RORA: variants seen among roughly 807,000 people sequenced by gnomAD.
RORA encodes the protein RAR related orphan receptor A, also known as nuclear receptor ROR-alpha.
Under a neutral mutation model 69.5 loss-of-function variants are expected in RORA, and 7 were observed. That is an observed-to-expected ratio of 0.10 (90% CI 0.06 to 0.19). RORA has a LOEUF of 0.19. Ranked by LOEUF, RORA falls within the 10% of genes least tolerant of loss-of-function variation. RORA has a pLI of 1.00. For synonymous variants in RORA, 261 were observed against 240.8 expected (o/e 1.08, Z -0.78); for missense variants, 457 against 663.0 (o/e 0.69, Z 3.41).
intron 2 of RORA, among the ~76,000 whole-genome samples, chr15:60,532,793 T>A (rs1483876166): frequency 6.6e-6 from 1 of 152,230 alleles, no homozygotes; most frequent in Non-Finnish European, 1.5e-5. Flanking sequence ...GTCACCAGTT[T>A]ACCTGGAATG....
chr15:60,542,548 A>G lies in RORA; in HGVS notation c.197-10697T>C, dbSNP rs1252978516. Among the ~76,000 whole-genome samples the G allele has an allele frequency of 1.9e-4, 26 of 135,282 alleles. 1 individual carries two copies. Among genetic ancestry groups the G allele is most frequent in the African/African-American group, 7.3e-4 (21 of 28,614 alleles). 88.8% of individuals were successfully genotyped at this position (135,282 alleles called of 152,430 possible). ...CATGCACACCTCACACAGATGGCACACATGCACACCTCACACACACGGCAC... is the reference window on the plus strand; with the variant it reads ...CATGCACACCTCACACAGATGGCACGCATGCACACCTCACACACACGGCAC... On this transcript the variant is annotated intron_variant, in intron 2 of 10. Transcript: ENST00000335670.
At chr15:61,184,356 G>T (rs559972192) in intron 1 of RORA, among the ~76,000 whole-genome samples, 2 of 151,970 alleles carry the variant, frequency 1.3e-5, no homozygotes, top group Non-Finnish European at 2.9e-5. Flanking sequence ...CAAACTTCAC[G>T]CATTACATCA....
intron 1 of RORA, among the ~76,000 whole-genome samples, chr15:60,756,671 A>G (rs756994920): frequency 6.6e-6 from 1 of 152,196 alleles, no homozygotes; most frequent in South Asian, 2.1e-4. Flanking sequence ...ACTAGAAATA[A>G]ACAAAGAATA....
At chr15:60,801,388 C>G (rs2072579149) in intron 1 of RORA, among the ~76,000 whole-genome samples, 1 of 151,082 alleles carries the variant, frequency 6.6e-6, no homozygotes, top group South Asian at 2.1e-4. Context: ...AATAAAGAAA[C>G]AGCCCATTTA....
chr15:60,869,158 T>C (rs1416057657), intron 1 of RORA, among the ~76,000 whole-genome samples: 2 of 152,164 alleles, frequency 1.3e-5, no homozygotes, highest in East Asian at 1.9e-4. Flanking sequence ...GAAATGACCA[T>C]AAAATTGCAG....
At chr15:60,772,960 AG>A (rs2072100586) in intron 1 of RORA, among the ~76,000 whole-genome samples, 1 of 152,254 alleles carries the variant, frequency 6.6e-6, no homozygotes, top group Non-Finnish European at 1.5e-5. Context: ...TAATCCCGCC[AG>A]GGAGTTTTCC....
At chr15:60,985,320 G>A (rs576395724) in intron 1 of RORA, among the ~76,000 whole-genome samples, 2 of 152,198 alleles carry the variant, frequency 1.3e-5, no homozygotes, top group South Asian at 4.1e-4. Context: ...TTGAGTGAAG[G>A]AGAAAGCGTA....
intron 1 of RORA, among the ~76,000 whole-genome samples, chr15:60,779,024 A>G (rs894503288): frequency 6.6e-6 from 1 of 152,144 alleles, no homozygotes; most frequent in African/African-American, 2.4e-5. Context: ...TTAATTAATC[A>G]ATTCCTCCTC....
chr15:60,806,571 T>C (rs539531919), intron 1 of RORA, among the ~76,000 whole-genome samples: 1 of 152,358 alleles, frequency 6.6e-6, no homozygotes, highest in Admixed American at 6.5e-5. Flanking sequence ...CTGGGATCTA[T>C]AAGACTTGGT....
chr15:61,197,412 A>G (rs896163629), intron 1 of RORA, among the ~76,000 whole-genome samples: 1 of 152,204 alleles, frequency 6.6e-6, no homozygotes, highest in Non-Finnish European at 1.5e-5. Context: ...CTGAGTTCTA[A>G]GCACCGCCGG....
chr15:60,698,933 G>A (rs779194379), intron 1 of RORA, among the ~76,000 whole-genome samples: 8 of 151,652 alleles, frequency 5.3e-5, no homozygotes, highest in Non-Finnish European at 5.9e-5. Context: ...TTTGTTAATC[G>A]CCTGTTCATA....
chr15:60,571,520 C>G (rs2067880809), intron 2 of RORA, among the ~76,000 whole-genome samples: 1 of 152,154 alleles, frequency 6.6e-6, no homozygotes, highest in Non-Finnish European at 1.5e-5. Flanking sequence ...TAAGACATCA[C>G]TTACAGCACT....
At chr15:60,617,875 G>T (rs1240401471) in intron 2 of RORA, among the ~76,000 whole-genome samples, 1 of 152,162 alleles carries the variant, frequency 6.6e-6, no homozygotes, top group African/African-American at 2.4e-5. Flanking sequence ...GGCTGGGCCT[G>T]GCTATGTCAG....
chr15:61,134,403 G>A (rs1421281586), intron 1 of RORA, among the ~76,000 whole-genome samples: 1 of 152,192 alleles, frequency 6.6e-6, no homozygotes, highest in Non-Finnish European at 1.5e-5. Context: ...GTAAGGTTCT[G>A]TGCCTCGGTG....
intron 2 of RORA, among the ~76,000 whole-genome samples, chr15:60,664,811 T>C (rs1227790840): frequency 6.6e-6 from 1 of 152,190 alleles, no homozygotes; most frequent in Admixed American, 6.5e-5. Context: ...TCTCATCCTC[T>C]CATTTATGAG....
intron 1 of RORA, among the ~76,000 whole-genome samples, chr15:60,893,902 C>T (rs1335952538): frequency 2.6e-5 from 4 of 152,174 alleles, no homozygotes; most frequent in Non-Finnish European, 4.4e-5. Context: ...TGTAACTTGG[C>T]GATGAGAAAA....
intron 1 of RORA, among the ~76,000 whole-genome samples, chr15:60,859,766 C>G (rs2691): frequency 0.27 from 40,889 of 149,786 alleles, 5,761 homozygotes; most frequent in African/African-American, 0.31. Flanking sequence ...CTCACCAGAA[C>G]AGGGTGGGGT....
intron 1 of RORA, among the ~76,000 whole-genome samples, chr15:61,072,610 G>T (rs1284940962): frequency 6.6e-6 from 1 of 152,116 alleles, no homozygotes; most frequent in African/African-American, 2.4e-5. Context: ...TGTATAAGTT[G>T]GTGTCTTTTT....
intron 1 of RORA, among the ~76,000 whole-genome samples, chr15:60,772,206 C>T (rs928323102): frequency 3.3e-5 from 5 of 152,062 alleles, no homozygotes; most frequent in Admixed American, 2.0e-4. Context: ...ATCCCTCCCC[C>T]AGGCCCCCAC....
Sources: allele counts gnomAD v4.1 joint callset (sites outside exome capture counted in the v4.1 genomes callset), GRCh38; gene constraint gnomAD v4.1.1; transcripts MANE v1.5; gene names NCBI Gene and HGNC (gene_info 2026-07-23, HGNC 2026-07-21).